PAK1: variants seen among roughly 807,000 people sequenced by gnomAD.
PAK1 encodes the protein p21 (RAC1) activated kinase 1.
Under a neutral mutation model 67.4 loss-of-function variants are expected in PAK1, and 29 were observed. That is an observed-to-expected ratio of 0.43 (90% CI 0.32 to 0.59). The LOEUF (loss-of-function observed/expected upper bound fraction) is 0.59. Among genes scored for constraint, PAK1 ranks in the 20% least tolerant of loss-of-function variants. The pLI is 0.07. For synonymous variants in PAK1, 223 were observed against 237.4 expected (o/e 0.94, Z 0.56); for missense variants, 337 against 670.7 (o/e 0.50, Z 5.50).
intron 1 of PAK1, among the ~76,000 whole-genome samples, chr11:77,398,234 A>G (rs1488240362): frequency 6.6e-6 from 1 of 152,184 alleles, no homozygotes; most frequent in Non-Finnish European, 1.5e-5. Flanking sequence ...GTACCCATTA[A>G]CCATCCCTCC....
intron 4 of PAK1, among the ~76,000 whole-genome samples, chr11:77,377,005 T>G (rs545712877): frequency 6.6e-6 from 1 of 152,128 alleles, no homozygotes; most frequent in East Asian, 1.9e-4. Flanking sequence ...GGAGCCAGGC[T>G]CAGTGGCTCA....
the PAK1 span, among the ~76,000 whole-genome samples, chr11:77,489,386 C>CCTCCTCTCTCCTCT: frequency 1.5e-4 from 23 of 148,906 alleles, no homozygotes; most frequent in African/African-American, 3.7e-4. Flanking sequence ...ATCTCCCCTC[C>CCTCCTCTCTCCTCT]CTCCTCTCTC....
At chr11:77,382,943 A>C (rs1950016870) in intron 2 of PAK1, among the ~76,000 whole-genome samples, 1 of 152,148 alleles carries the variant, frequency 6.6e-6, no homozygotes, top group Non-Finnish European at 1.5e-5. Flanking sequence ...GTTGAAGTGA[A>C]CTGAAATTGT....
At chr11:77,346,947 A>G in intron 9 of PAK1, 1 of 444,292 alleles carries the variant, frequency 2.3e-6, no homozygotes, top group South Asian at 1.6e-5. Context: ...GTTAACTGGA[A>G]GACTTCCCAG....
chr11:77,384,458 G>A (rs1359572719), intron 2 of PAK1, among the ~76,000 whole-genome samples: 1 of 152,186 alleles, frequency 6.6e-6, no homozygotes, highest in East Asian at 1.9e-4. Flanking sequence ...ACTTGTATGT[G>A]AATGTTCACA....
At chr11:77,389,667 T>C (rs559988229) in intron 2 of PAK1, among the ~76,000 whole-genome samples, 2 of 152,368 alleles carry the variant, frequency 1.3e-5, no homozygotes, top group Admixed American at 6.5e-5. Context: ...TTTGGAGATA[T>C]GTCTATTTAG....
chr11:77,520,009 C>A, the PAK1 span, among the ~76,000 whole-genome samples: 27 of 152,180 alleles, frequency 1.8e-4, no homozygotes, highest in Admixed American at 1.1e-3. Flanking sequence ...GTGGCCCCCC[C>A]CTCCGCCCGT....
chr11:77,514,577 T>A, the PAK1 span, among the ~76,000 whole-genome samples: 2 of 152,208 alleles, frequency 1.3e-5, no homozygotes, highest in South Asian at 2.1e-4. Flanking sequence ...AAAACCTGGA[T>A]GACATAATGG....
intron 1 of PAK1, chr11:77,397,026 C>T (rs1429996918): frequency 6.6e-6 from 1 of 152,238 alleles, no homozygotes; most frequent in East Asian, 1.9e-4. Context: ...AGTATACACA[C>T]CTTAATCTTC....
chr11:77,473,285 C>CCCG (rs1957956314), intron 1 of PAK1: 1 of 152,320 alleles, frequency 6.6e-6, no homozygotes, highest in Non-Finnish European at 1.5e-5. Context: ...CCCGCCCCTT[C>CCCG]CCTCTCCCAG....
At chr11:77,521,682 T>C in the PAK1 span, among the ~76,000 whole-genome samples, 1 of 152,226 alleles carries the variant, frequency 6.6e-6, no homozygotes, top group Non-Finnish European at 1.5e-5. Context: ...GTGATAGTTA[T>C]GCTTGCCAAG....
At chr11:77,361,611 TAGAGA>T (rs766171765) in intron 5 of PAK1, among the ~76,000 whole-genome samples, 5 of 152,218 alleles carry the variant, frequency 3.3e-5, no homozygotes, top group South Asian at 2.1e-4. Context: ...TCTCACAAAT[TAGAGA>T]AAAGGTTTTT....
chr11:77,510,691 TATG>T, the PAK1 span, among the ~76,000 whole-genome samples: 1 of 152,256 alleles, frequency 6.6e-6, no homozygotes, highest in Non-Finnish European at 1.5e-5. Context: ...GTGCTTCACA[TATG>T]ATATTATTCG....
intron 14 of PAK1, among the ~76,000 whole-genome samples, chr11:77,326,907 A>G (rs1444571769): frequency 2.0e-5 from 3 of 152,170 alleles, no homozygotes; most frequent in Admixed American, 6.5e-5. Flanking sequence ...ATGAATGGAT[A>G]ACAAGAATAA....
At chr11:77,490,844 C>T in the PAK1 span, among the ~76,000 whole-genome samples, 865 of 152,300 alleles carry the variant, frequency 5.7e-3, 6 homozygotes, top group African/African-American at 0.019. Context: ...ACCCTGTGCC[C>T]TCTGAAACAT....
At chr11:77,349,691 T>C (rs1944963286) in intron 8 of PAK1, 1 of 162,704 alleles carries the variant, frequency 6.1e-6, no homozygotes, top group Non-Finnish European at 1.4e-5. Context: ...AATTTCCTGT[T>C]CCTGCTTGCT....
chr11:77,459,038 G>A (rs1957201776), intron 1 of PAK1, among the ~76,000 whole-genome samples: 1 of 152,158 alleles, frequency 6.6e-6, no homozygotes, highest in Non-Finnish European at 1.5e-5. Flanking sequence ...AAAGCATAGA[G>A]GAAAACAGAA....
intron 14 of PAK1, among the ~76,000 whole-genome samples, chr11:77,330,016 A>G (rs1208046126): frequency 6.6e-6 from 1 of 152,066 alleles, no homozygotes; most frequent in Non-Finnish European, 1.5e-5. Flanking sequence ...CCAAATCATG[A>G]GTGAACTCCC....
At chr11:77,433,245 C>A (rs1333447666) in intron 1 of PAK1, among the ~76,000 whole-genome samples, 1 of 152,150 alleles carries the variant, frequency 6.6e-6, no homozygotes, top group Admixed American at 6.5e-5. Flanking sequence ...ATAAAACTCT[C>A]AGAGGAAAAC....
Sources: allele counts gnomAD v4.1 joint callset (sites outside exome capture counted in the v4.1 genomes callset), GRCh38; gene constraint gnomAD v4.1.1; transcripts MANE v1.5; gene names NCBI Gene and HGNC (gene_info 2026-07-23, HGNC 2026-07-21).